AKR7A3: variants seen among roughly 807,000 people sequenced by gnomAD.
AKR7A3 encodes the protein aldo-keto reductase family 7 member A3.
A neutral mutation model predicts 32.5 loss-of-function variants in AKR7A3; 37 were observed. The observed-to-expected ratio is 1.14, with a 90% CI of 0.88 to 1.50. The LOEUF (loss-of-function observed/expected upper bound fraction) is 1.50, where lower values mean the gene tolerates loss of function less well. Ranked by LOEUF, AKR7A3 falls within the 40% of genes most tolerant of loss-of-function variation. The probability of loss-of-function intolerance (pLI) is 0.00; values close to 1 mark genes in which losing one functional copy is unlikely to be tolerated. For synonymous variants in AKR7A3, 177 were observed against 188.4 expected, an observed-to-expected ratio of 0.94 and a Z score of 0.50; for missense variants, 412 against 453.2, an observed-to-expected ratio of 0.91 and a Z score of 0.83.
downstream of AKR7A3, among the ~76,000 whole-genome samples, chr1:19,281,429 G>C (rs1431459879): frequency 6.6e-6 from 1 of 151,730 alleles, no homozygotes; most frequent in Non-Finnish European, 1.5e-5. Context: ...CTGAGGTCAG[G>C]AGTTCAAGAC....
At chr1:19,285,399 A>G (rs1354256330) in intron 3 of AKR7A3, among the ~76,000 whole-genome samples, 1 of 151,820 alleles carries the variant, frequency 6.6e-6, no homozygotes, top group African/African-American at 2.4e-5. Context: ...AAGGTCAAGT[A>G]TAAACAGTTA....
Position 19,285,955 on chromosome 1 carries a change from G to A in AKR7A3, c.440C>T (p.Ala147Val). ...FVELGLSNYA[A>V]WEVAEICTLC... ...GGTACAGATCTCGGCCACTTCCCAG[G>A]CTGCATAGTTGGAGAGGCCAAGCTC... is the stretch of plus-strand genomic sequence containing the variant. The change falls in exon 3 of 7, where the codon GCC (alanine) becomes GTC (valine). Residue 147 changes from alanine to valine, a missense_variant. Ala to Val is a moderately conservative substitution (Grantham distance 64). Transcript: ENST00000361640. The A allele has an allele frequency of 6.2e-7, 1 of 1,613,280 alleles. No individual in the cohort carries two copies. Among genetic ancestry groups the A allele is most frequent in the Non-Finnish European group, 8.5e-7 (1 of 1,179,830 alleles).
downstream of AKR7A3, among the ~76,000 whole-genome samples, chr1:19,281,220 G>A (rs1295089215): frequency 6.6e-6 from 1 of 151,714 alleles, no homozygotes; most frequent in East Asian, 1.9e-4. Context: ...TAGTTTTGTA[G>A]TAAGTTCTGA....
At chr1:19,274,706 G>A in the AKR7A3 span, among the ~76,000 whole-genome samples, 4,253 of 151,334 alleles carry the variant, frequency 0.028, 77 homozygotes, top group South Asian at 0.052. Context: ...AACACTTTGG[G>A]AGATCAAGGC....
At position 19,284,765 on chromosome 1, in the gene AKR7A3, A is replaced by G; in HGVS notation, c.625T>C (p.Tyr209His). 6.2e-7 allele frequency: 1 copy of G among 1,613,870 alleles called. No individual in the cohort carries two copies. Among genetic ancestry groups the G allele is most frequent in the Non-Finnish European group, 8.5e-7 (1 of 1,180,000 alleles). Reference sequence around the variant, plus strand: ...TTCCCATTCTTGTCCTCATACTTGTACTTGCCGGTCAGCAGGCCCCCTGAG... The same window carrying G: ...TTCCCATTCTTGTCCTCATACTTGTGCTTGCCGGTCAGCAGGCCCCCTGAG... ...PLAGGLLTGK[Y>H]KYEDKNGKQP... The change falls in exon 5 of 7, where the codon TAC (tyrosine) becomes CAC (histidine). Residue 209 changes from tyrosine (Y) to histidine (H), a missense_variant. By Grantham distance (83) the Tyr-to-His change is moderately conservative. Transcript: ENST00000361640.
downstream of AKR7A3, among the ~76,000 whole-genome samples, chr1:19,278,387 T>C (rs1387146433): frequency 2.6e-5 from 4 of 151,672 alleles, no homozygotes; most frequent in Non-Finnish European, 5.9e-5. Flanking sequence ...TGAAACCGCA[T>C]CTCTACTAAA....
At chr1:19,274,836 T>G in the AKR7A3 span, among the ~76,000 whole-genome samples, 1 of 129,592 alleles carries the variant, frequency 7.7e-6, no homozygotes, top group African/African-American at 2.9e-5. Flanking sequence ...CCAGCTGCAG[T>G]GTGCTGTGAT....
Position 19,284,095 on chromosome 1 carries a change from A to G in AKR7A3, c.735T>C (p.Ile245=). 2 of 1,613,466 alleles carry G rather than the reference A, an allele frequency of 1.2e-6. No individual in the cohort carries two copies. Among genetic ancestry groups the G allele is most frequent in the Non-Finnish European group, 1.7e-6 (2 of 1,179,750 alleles). ...CCTGCAGGGCCTTCTCCACCAGGGC[A>G]ATGCCCTCAAAGTGGTGCTCCTTCC... ...RYWKEHHFEG[I]ALVEKALQAA... Residue 245 remains isoleucine, a synonymous_variant, in exon 6 of 7, where the codon ATT becomes ATC. Coordinates refer to ENST00000361640, the MANE Select transcript of AKR7A3 (RefSeq NM_012067.3).
In AKR7A3 at chr1:19,286,275, A is replaced by C. The variant is rs2093729693; in HGVS notation, c.312T>G (p.Cys104Trp). Residue 104 changes from cysteine (C) to tryptophan (W), a missense_variant, in exon 2 of 7, where the codon TGT (cysteine) becomes TGG (tryptophan). Cys to Trp is a radical substitution (Grantham distance 215). Coordinates refer to ENST00000361640, the MANE Select transcript of AKR7A3 (RefSeq NM_012067.3). ...GCAGGTAGAAGAGGTCCACTCGGGG[A>C]CACTGCAGCCGCTTCAGTGACGTCT... ...QLETSLKRLQ[C>W]PRVDLFYLHM... 6.2e-7 allele frequency: 1 copy of C among 1,613,710 alleles called. No individual in the cohort carries two copies. The highest frequency in any genetic ancestry group is 1.3e-5 in the African/African-American group (1 of 74,632).
chr1:19,287,622 C>A (rs28629463), intron 1 of AKR7A3, among the ~76,000 whole-genome samples: 1 of 152,056 alleles, frequency 6.6e-6, no homozygotes, highest in African/African-American at 2.4e-5. Flanking sequence ...TCCTCCCCTC[C>A]GGCCACACCT....
At chr1:19,284,189 A>G in intron 5 of AKR7A3, 64 bp from the exon 6 acceptor site, 4 of 1,557,018 alleles carry the variant, frequency 2.6e-6, no homozygotes, top group East Asian at 2.3e-5. Flanking sequence ...CAAAGAGCCA[A>G]CCAGGGCCAC....
At chr1:19,279,153 GGT>G (rs1170972569), downstream of AKR7A3, among the ~76,000 whole-genome samples, 3 of 151,788 alleles carry the variant, frequency 2.0e-5, no homozygotes, top group Admixed American at 2.0e-4. Flanking sequence ...CTAGAGACAA[GGT>G]CTCACTTCTA....
Position 19,286,030 on chromosome 1 carries a change from C to G in AKR7A3, c.403-38G>C, listed in dbSNP as rs369235389. 79 of 1,612,028 alleles carry G rather than the reference C, an allele frequency of 4.9e-5. 2 individuals carry two copies. In the African/African-American group the frequency reaches 9.7e-4, roughly 20 times the overall value. On this transcript the variant is annotated intron_variant, in intron 2 of 6. Transcript: ENST00000361640. ...GGCTCCAGTCAGAACATAGTGCAGC[C>G]CAGACCAGGAAAGGGAGGCCAGGGT...
At chr1:19,274,897 T>TAAAAAAAAAAAAAAAAAAAAAAA in the AKR7A3 span, among the ~76,000 whole-genome samples, 1 of 6,156 alleles carries the variant, frequency 1.6e-4, no homozygotes, top group African/African-American at 5.8e-4. Context: ...TGTCTCTAAA[T>TAAAAAAAAAAAAAAAAAAAAAAA]ACAAAAAAAA....
intron 6 of AKR7A3, among the ~76,000 whole-genome samples, chr1:19,283,217 T>C (rs897878535): frequency 2.7e-5 from 4 of 149,970 alleles, no homozygotes; most frequent in African/African-American, 1.0e-4. Flanking sequence ...TGAAAAATTA[T>C]GTAGAGCACT....
chr1:19,287,695 C>T (rs2093733291), intron 1 of AKR7A3, among the ~76,000 whole-genome samples: 2 of 152,196 alleles, frequency 1.3e-5, no homozygotes, highest in South Asian at 4.1e-4. Flanking sequence ...ATGCCCACTG[C>T]CCTGACGCCC....
chr1:19,277,269 TAGA>T, the AKR7A3 span, among the ~76,000 whole-genome samples: 1 of 151,368 alleles, frequency 6.6e-6, no homozygotes, highest in African/African-American at 2.4e-5. Context: ...AATAAATAAA[TAGA>T]AGAAAAAGGA....
chr1:19,279,195 C>A (rs1558129409), downstream of AKR7A3, among the ~76,000 whole-genome samples: 1 of 151,954 alleles, frequency 6.6e-6, no homozygotes, highest in Non-Finnish European at 1.5e-5. Context: ...CTCCTGTCTT[C>A]AATTAATCCT....
chr1:19,288,674 C>T lies in AKR7A3; in HGVS notation c.36G>A (p.Thr12=), dbSNP rs1440160508. The change falls in exon 1 of 7, where the codon ACG becomes ACA. Residue 12 remains threonine, a synonymous_variant. Coordinates refer to ENST00000361640, the MANE Select transcript of AKR7A3 (RefSeq NM_012067.3). ...GCCCCATCTCCATGGCGCCCAGCACCGTGGCTGGCCGGGCCCGCGACAGCT... is the reference window on the plus strand; with the variant it reads ...GCCCCATCTCCATGGCGCCCAGCACTGTGGCTGGCCGGGCCCGCGACAGCT... ...SRQLSRARPA[T]VLGAMEMGRR... is the part of the protein sequence containing the mutation. 3.9e-6 allele frequency: 6 copies of T among 1,523,012 alleles called. No homozygotes were observed. The highest frequency in any genetic ancestry group is 5.3e-6 in the Non-Finnish European group (6 of 1,135,980). The allele number at this position is 1,523,012 out of a possible 1,614,324, so 94.3% of individuals were successfully genotyped here.
Sources: gnomAD v4.1 joint callset for allele counts (sites outside exome capture counted in the v4.1 genomes callset) on GRCh38, gnomAD v4.1.1 for gene constraint, MANE v1.5 for transcripts, NCBI Gene and HGNC (gene_info 2026-07-23, HGNC 2026-07-21) for gene names.